The following DPP6 variants were observed in gnomAD, a reference collection of about 807,000 sequenced individuals.
The protein encoded by DPP6 is A-type potassium channel modulatory protein DPP6.
Under a neutral mutation model 122.6 loss-of-function variants are expected in DPP6, and 69 were observed. That is an observed-to-expected ratio of 0.56 (90% CI 0.46 to 0.69). The LOEUF (loss-of-function observed/expected upper bound fraction) is 0.69, where lower values mean the gene tolerates loss of function less well. DPP6 is among the 30% of genes least tolerant of loss of function. The pLI is 0.00. For missense variants in DPP6, 928 were observed against 1,116.9 expected (o/e 0.83, Z 2.41); for synonymous variants, 418 against 433.1 (o/e 0.97, Z 0.43).
At chr7:154,124,864 G>A (rs776445069) in intron 1 of DPP6, among the ~76,000 whole-genome samples, 2 of 152,164 alleles carry the variant, frequency 1.3e-5, no homozygotes, top group Admixed American at 6.5e-5. Context: ...GCCTGGACTC[G>A]AAATAAAATG....
At chr7:154,891,389 C>T (rs2150707474) in intron 25 of DPP6, among the ~76,000 whole-genome samples, 3 of 152,298 alleles carry the variant, frequency 2.0e-5, no homozygotes, top group Admixed American at 2.0e-4. Context: ...ACATTCCAGG[C>T]CTCATTCTAA....
intron 1 of DPP6, among the ~76,000 whole-genome samples, chr7:154,290,858 C>T (rs930380606): frequency 2.6e-5 from 4 of 152,198 alleles, no homozygotes; most frequent in Admixed American, 2.6e-4. Flanking sequence ...GCCTTCTTAC[C>T]AGACTTGGAG....
At position 154,833,464 on chromosome 7, in the gene DPP6, G is replaced by A. The variant is rs542297874; in HGVS notation, c.1667-20316G>A. Among the ~76,000 whole-genome samples the A allele has an allele frequency of 1.3e-5, 2 of 152,306 alleles. No individual in the cohort carries two copies. The highest frequency in any genetic ancestry group is 1.3e-4 in the Admixed American group (2 of 15,294). ...TTGGCTGCCTCATCTACAAATTTGG[G>A]ATAGTAGTACCAGCCTTGTACGGCT... On this transcript the variant is annotated intron_variant, in intron 16 of 25. Transcript: ENST00000377770. This position sits in a 1 kb window ranked among gnomAD's most constrained non-coding sequence, Gnocchi z 4.3.
At chr7:153,831,530 T>C in the DPP6 span, among the ~76,000 whole-genome samples, 2 of 152,208 alleles carry the variant, frequency 1.3e-5, no homozygotes, top group Admixed American at 6.5e-5. Context: ...GTTGACGATT[T>C]TGGATTTATG....
the DPP6 span, among the ~76,000 whole-genome samples, chr7:153,814,723 A>G: frequency 6.6e-6 from 1 of 152,304 alleles, no homozygotes; most frequent in South Asian, 2.1e-4. Context: ...AATACTGGCA[A>G]AACGAATCCA....
intron 1 of DPP6, among the ~76,000 whole-genome samples, chr7:154,245,134 G>T (rs1450965278): frequency 1.3e-5 from 2 of 151,002 alleles, no homozygotes; most frequent in East Asian, 4.0e-4. Flanking sequence ...TATTTTTTTG[G>T]TAGAGATGGG....
chr7:154,430,139 G>A (rs868342470), intron 1 of DPP6, among the ~76,000 whole-genome samples: 2 of 152,096 alleles, frequency 1.3e-5, no homozygotes, highest in African/African-American at 4.8e-5. Context: ...CAGGCTCCTC[G>A]ACGGCCTTAG....
intron 4 of DPP6, among the ~76,000 whole-genome samples, chr7:154,558,155 G>A (rs187796137): frequency 1.5e-3 from 225 of 151,866 alleles, no homozygotes; most frequent in African/African-American, 5.3e-3. Context: ...GTGTCCATGT[G>A]TTCTCAATGT....
chr7:154,385,660 C>G (rs1814043640), intron 1 of DPP6, among the ~76,000 whole-genome samples: 1 of 152,188 alleles, frequency 6.6e-6, no homozygotes, highest in East Asian at 1.9e-4. Context: ...CAGCAATGTA[C>G]CTGCCCAGCT....
rs183827259 is a variant in DPP6, at chr7:154,857,046, C to G, written c.1714+3219C>G. Among the ~76,000 whole-genome samples, 43 of 146,880 alleles carry G rather than the reference C, an allele frequency of 2.9e-4. No individual in the cohort carries two copies. The East Asian group carries it at 6.2e-3, about 21-fold the overall frequency. ...CCTATTTATATAGCAGTGTTTGACT[C>G]TGGGTTTCCTGGAGCCTAATTCAAA... is the stretch of plus-strand genomic sequence containing the variant. On this transcript the variant is annotated intron_variant, in intron 17 of 25. Transcript: ENST00000377770.
At chr7:154,763,536 C>T (rs1301619124) in intron 8 of DPP6, among the ~76,000 whole-genome samples, 4 of 152,066 alleles carry the variant, frequency 2.6e-5, no homozygotes, top group South Asian at 2.1e-4. Flanking sequence ...GATATAGATG[C>T]GAGGGTTTAG....
At chr7:154,763,355 G>GGAGAGAGAGA (rs5888592) in intron 8 of DPP6, among the ~76,000 whole-genome samples, 1 of 146,040 alleles carries the variant, frequency 6.8e-6, no homozygotes, top group East Asian at 2.0e-4. Flanking sequence ...AAGGAAGGAA[G>GGAGAGAGAGA]GAGAGAGAGA....
intron 17 of DPP6, among the ~76,000 whole-genome samples, chr7:154,859,961 C>T (rs778283821): frequency 2.0e-5 from 3 of 152,152 alleles, no homozygotes; most frequent in Non-Finnish European, 2.9e-5. Flanking sequence ...CACCCCACAG[C>T]GGCCTGCAAG....
At chr7:154,174,585 A>G (rs1797700204) in intron 1 of DPP6, among the ~76,000 whole-genome samples, 1 of 152,242 alleles carries the variant, frequency 6.6e-6, no homozygotes, top group African/African-American at 2.4e-5. Context: ...GCCCATGCTC[A>G]CAGACCTGCC....
chr7:154,720,480 G>A (rs1841742044), intron 7 of DPP6, among the ~76,000 whole-genome samples: 1 of 152,230 alleles, frequency 6.6e-6, no homozygotes, highest in Admixed American at 6.5e-5. Flanking sequence ...TTTTCTGGAA[G>A]AAGGAACCAA....
chr7:154,539,762 T>C (rs1305950929), intron 3 of DPP6, among the ~76,000 whole-genome samples: 1 of 151,716 alleles, frequency 6.6e-6, no homozygotes, highest in Non-Finnish European at 1.5e-5. Context: ...TGGATACATT[T>C]GATGAAATAA....
intron 1 of DPP6, among the ~76,000 whole-genome samples, chr7:153,894,150 C>T (rs940596082): frequency 2.0e-4 from 30 of 152,112 alleles, no homozygotes. Flanking sequence ...GCCCTGTGAC[C>T]CTTGGTTTCC....
chr7:153,824,311 C>T, the DPP6 span, among the ~76,000 whole-genome samples: 2 of 141,244 alleles, frequency 1.4e-5, no homozygotes, highest in East Asian at 2.2e-4. Context: ...CACTTGAACC[C>T]GGGAGGTGGA....
At chr7:154,679,349 G>T (rs192441785) in intron 7 of DPP6, among the ~76,000 whole-genome samples, 1 of 152,162 alleles carries the variant, frequency 6.6e-6, no homozygotes, top group Non-Finnish European at 1.5e-5. Context: ...CTAATGCCAC[G>T]CCAGAAATTA....
Sources: allele counts gnomAD v4.1 joint callset (sites outside exome capture counted in the v4.1 genomes callset), GRCh38; gene constraint gnomAD v4.1.1; non-coding constraint Gnocchi (gnomAD v3.1); transcripts MANE v1.5; gene names NCBI Gene and HGNC (gene_info 2026-07-23, HGNC 2026-07-21).